The following DNAAF1 variants were observed in gnomAD, a reference collection of about 807,000 sequenced individuals.
DNAAF1 encodes dynein assembly factor 1, axonemal.
DNAAF1 carries 65 observed loss-of-function variants against 71.1 expected under a neutral mutation model. That is an observed-to-expected ratio of 0.91 (90% CI 0.75 to 1.12). DNAAF1 has a LOEUF of 1.12. Ranked by LOEUF, DNAAF1 falls within the 50% of genes most tolerant of loss-of-function variation. DNAAF1 has a pLI of 0.00. For synonymous variants in DNAAF1, 414 were observed against 354.6 expected, an observed-to-expected ratio of 1.17 and a Z score of -1.88; for missense variants, 1,178 against 899.8, an observed-to-expected ratio of 1.31 and a Z score of -3.96.
rs2086848613 is a variant in DNAAF1 at position 84,145,347 on chromosome 16, A to T, written c.-94A>T. The T allele has an allele frequency of 2.0e-6, 3 of 1,532,438 alleles. No individual in the cohort carries two copies. The East Asian group carries it at 7.4e-5, about 38-fold the overall frequency. The allele number at this position is 1,532,438 out of a possible 1,614,324, so 94.9% of individuals were successfully genotyped here. A position where few individuals can be genotyped will look rare whatever the true frequency, so the allele number is the denominator to read the frequency against. On this transcript the variant is annotated 5_prime_UTR_variant, in exon 1 of 12. Coordinates refer to ENST00000378553, the MANE Select transcript of DNAAF1 (RefSeq NM_178452.6). Reference sequence around the variant, plus strand: ...GCCAGCGGCTGGCGAAGAAGGAAAGAGGGTACTCTCTGGCTGGGCTGGGGC... The same window carrying T: ...GCCAGCGGCTGGCGAAGAAGGAAAGTGGGTACTCTCTGGCTGGGCTGGGGC...
At chr16:84,154,083 A>G (rs191968238) in intron 3 of DNAAF1, among the ~76,000 whole-genome samples, 185 of 152,318 alleles carry the variant, frequency 1.2e-3, no homozygotes, top group Non-Finnish European at 2.2e-3. Context: ...GGTTCCTCCA[A>G]GAAAAGTTGC....
rs372303284 is a variant in DNAAF1, at chr16:84,165,841, C to T, written c.922C>T (p.Gln308Ter). 11 of 1,613,326 alleles carry T rather than the reference C, an allele frequency of 6.8e-6. No individual in the cohort carries two copies. The highest frequency in any genetic ancestry group is 4.0e-5 in the African/African-American group (3 of 74,684). Reference sequence around the variant, plus strand: ...CGCAGCTGAAAAGGAGGAGAGACAGCAGTGGGAGAGCAGGGAGCGGAAGAA... The same window carrying T: ...CGCAGCTGAAAAGGAGGAGAGACAGTAGTGGGAGAGCAGGGAGCGGAAGAA... ...GYAAEKEERQQWESRERKKIT... is the reference protein window; with the variant it reads ...GYAAEKEERQ Residue 308 changes from glutamine (Q) to a stop codon, truncating the protein, a stop_gained, in exon 7 of 12, where the codon CAG becomes TAG. Coordinates refer to ENST00000378553, the MANE Select transcript of DNAAF1 (RefSeq NM_178452.6). LOFTEE classifies it high-confidence loss of function.
Position 84,170,111 on chromosome 16 carries a change from A to G in DNAAF1, c.1283A>G (p.Glu428Gly). ...AETLLLSSPV[E>G]VKGEDGDGEP... ...ACCCTGCTACTGTCGTCACCTGTGG[A>G]GGTTAAAGGAGAGGACGGAGATGGA... is the stretch of plus-strand genomic sequence containing the variant. The change falls in exon 8 of 12, where the codon GAG (glutamate) becomes GGG (glycine). Residue 428 changes from glutamate to glycine, a missense_variant. Coordinates refer to ENST00000378553, the MANE Select transcript of DNAAF1 (RefSeq NM_178452.6). 6.3e-7 allele frequency: 1 copy of G among 1,582,906 alleles called. No individual in the cohort carries two copies.
chr16:84,174,315 T>G, intron 9 of DNAAF1: 2 of 1,171,134 alleles, frequency 1.7e-6, no homozygotes, highest in South Asian at 2.1e-5. Context: ...CCACATAGAG[T>G]TTTCGGACTA....
In DNAAF1 at chr16:84,172,508, G is replaced by A. The variant is rs1172562116; in HGVS notation, c.1644+133G>A. The A allele has an allele frequency of 1.5e-5, 23 of 1,504,304 alleles. No individual in the cohort carries two copies. In the East Asian group the frequency reaches 5.3e-4, roughly 34 times the overall value. The allele number at this position is 1,504,304 out of a possible 1,614,324, so 93.2% of individuals were successfully genotyped here. ...GGCCGGCAGGCCTGGCATTTCTGGG[G>A]CGCTGGTTAGAAATGCAGACTCCCA... On this transcript the variant is annotated intron_variant, in intron 9 of 11. Coordinates refer to ENST00000378553, the MANE Select transcript of DNAAF1 (RefSeq NM_178452.6).
chr16:84,148,126 C>T (rs988473343), intron 1 of DNAAF1, among the ~76,000 whole-genome samples: 1 of 152,026 alleles, frequency 6.6e-6, no homozygotes, highest in Non-Finnish European at 1.5e-5. Flanking sequence ...TCCCCTGTAC[C>T]CCACCCCGTT....
chr16:84,159,070 A>G, intron 5 of DNAAF1: 1 of 989,838 alleles, frequency 1.0e-6, no homozygotes, highest in Non-Finnish European at 1.2e-6. Flanking sequence ...TTAAGGCAGT[A>G]GAGGAAGAGA....
intron 6 of DNAAF1, among the ~76,000 whole-genome samples, chr16:84,165,338 T>A (rs2087919028): frequency 6.6e-6 from 1 of 152,124 alleles, no homozygotes; most frequent in African/African-American, 2.4e-5. Context: ...CTTCTCACAT[T>A]CTTTGAGTTG....
intron 11 of DNAAF1, chr16:84,177,143 T>C (rs11149630): frequency 0.5 from 87,351 of 174,442 alleles, 21,949 homozygotes; most frequent in East Asian, 0.55. Flanking sequence ...AAGCAGGGAG[T>C]GGCCTGAGTG....
In DNAAF1 at chr16:84,159,755, C is replaced by T. The variant is rs1468669201; in HGVS notation, c.822C>T (p.His274=). 6 of 1,613,980 alleles carry T rather than the reference C, an allele frequency of 3.7e-6. No homozygotes were observed. The highest frequency in any genetic ancestry group is 4.2e-6 in the Non-Finnish European group (5 of 1,179,932). ...GGACAGTCACTGTACGACTAAAGCACTTAACATACCTGGATGATAGACCAG... is the reference window on the plus strand; with the variant it reads ...GGACAGTCACTGTACGACTAAAGCATTTAACATACCTGGATGATAGACCAG... ...YRRTVTVRLK[H]LTYLDDRPVF... is the part of the protein sequence containing the mutation. The change falls in exon 6 of 12, where the codon CAC becomes CAT. Residue 274 remains histidine (H), a synonymous_variant. Transcript: ENST00000378553.
At chr16:84,151,341 C>G (rs1410776691) in intron 3 of DNAAF1, among the ~76,000 whole-genome samples, 2 of 151,976 alleles carry the variant, frequency 1.3e-5, no homozygotes, top group Admixed American at 1.3e-4. Context: ...AGGGAGACGC[C>G]CAAAGGGATC....
intron 9 of DNAAF1, chr16:84,174,132 GGGGAGTAACAACCT>G: frequency 3.1e-6 from 3 of 968,378 alleles, no homozygotes; most frequent in Non-Finnish European, 3.7e-6. Flanking sequence ...AATGGTGGTG[GGGGAGTAACAACCT>G]AGGCACCGTG....
chr16:84,150,401 T>G, intron 3 of DNAAF1, 59 bp downstream of exon 3: 51 of 1,366,780 alleles, frequency 3.7e-5, no homozygotes, highest in Non-Finnish European at 4.9e-5. Context: ...TCTAGCGGTA[T>G]AAAAAATTAC....
chr16:84,159,639 T>C (rs2087609159), intron 5 of DNAAF1, 36 bp from the exon 6 acceptor site: 2 of 1,586,824 alleles, frequency 1.3e-6, no homozygotes, highest in Non-Finnish European at 1.7e-6. Context: ...ATCGCATCTT[T>C]CAGTAATCAT....
At chr16:84,172,829 C>T in intron 9 of DNAAF1, 2 of 1,044,412 alleles carry the variant, frequency 1.9e-6, no homozygotes, top group Non-Finnish European at 2.3e-6. Context: ...CTTAGGCTCT[C>T]ACTGGCCTTC....
Position 84,169,922 on chromosome 16 carries a change from C to A in DNAAF1, c.1094C>A (p.Pro365His), listed in dbSNP as rs895807740. ...GCCAGTGCGGAAGGCAAGGAGGAGC[C>A]TCCCGGGGACAGAGAAACAAGGCAG... ...VPASAEGKEE[P>H]PGDRETRQKM... is the part of the protein sequence containing the mutation. The change falls in exon 8 of 12, where the codon CCT becomes CAT. Residue 365 changes from proline to histidine, a missense_variant. Coordinates refer to ENST00000378553, the MANE Select transcript of DNAAF1 (RefSeq NM_178452.6). The A allele has an allele frequency of 6.2e-7, 1 of 1,614,132 alleles. No homozygotes were observed. Among genetic ancestry groups the A allele is most frequent in the South Asian group, 1.1e-5 (1 of 91,088 alleles).
chr16:84,154,896 G>C, intron 4 of DNAAF1, 98 bp downstream of exon 4: 1 of 1,031,030 alleles, frequency 9.7e-7, no homozygotes, highest in Non-Finnish European at 1.5e-6. Flanking sequence ...AAGAAGTGGT[G>C]TTTTTTTTTG....
chr16:84,163,491 C>T (rs2087816547), intron 6 of DNAAF1, among the ~76,000 whole-genome samples: 1 of 151,858 alleles, frequency 6.6e-6, no homozygotes, highest in Non-Finnish European at 1.5e-5. Context: ...AGCAATTCTC[C>T]TGCCTCAGCC....
At chr16:84,148,385 G>T (rs1441250690) in intron 1 of DNAAF1, among the ~76,000 whole-genome samples, 2 of 151,814 alleles carry the variant, frequency 1.3e-5, no homozygotes, top group African/African-American at 4.8e-5. Context: ...ATTGTTTTAT[G>T]TAACCAGCCC....
Sources: allele counts gnomAD v4.1 joint callset (sites outside exome capture counted in the v4.1 genomes callset), GRCh38; gene constraint gnomAD v4.1.1; transcripts MANE v1.5; gene names NCBI Gene and HGNC (gene_info 2026-07-23, HGNC 2026-07-21).